Variants in SYN3 observed in about 807,000 individuals in gnomAD.
SYN3 encodes synapsin III.
In SYN3, 35 loss-of-function variants were observed where a neutral mutation model predicts 65.8. That is an observed-to-expected ratio of 0.53 (90% CI 0.41 to 0.70). The LOEUF (loss-of-function observed/expected upper bound fraction) is 0.70, where lower values mean the gene tolerates loss of function less well. SYN3 is among the 30% of genes least tolerant of loss of function. The pLI is 0.00. For missense variants in SYN3, 680 were observed against 749.0 expected (o/e 0.91, Z 1.08); for synonymous variants, 270 against 292.9 (o/e 0.92, Z 0.80).
At chr22:32,959,967 AT>A (rs2051596810) in intron 3 of SYN3, among the ~76,000 whole-genome samples, 1 of 152,196 alleles carries the variant, frequency 6.6e-6, no homozygotes, top group Non-Finnish European at 1.5e-5. Context: ...AGTAATTTTA[AT>A]TTTTTAATCT....
chr22:32,512,181 G>T lies in SYN3; in HGVS notation c.*1511C>A, dbSNP rs1000015737. ...TTTTATGCTCCTGGGAACCTGGATG[G>T]ATCTTGGCTGATTACCAAACAATCT... On this transcript the variant is annotated 3_prime_UTR_variant, in exon 14 of 14. Coordinates refer to ENST00000358763, the MANE Select transcript of SYN3 (RefSeq NM_003490.4). 6.6e-6 allele frequency among the ~76,000 whole-genome samples: 1 copy of T among 152,204 alleles called. No homozygotes were observed. The highest frequency in any genetic ancestry group is 1.5e-5 in the Non-Finnish European group (1 of 68,038).
intron 6 of SYN3, among the ~76,000 whole-genome samples, chr22:32,818,643 G>GT (rs1191952714): frequency 6.6e-6 from 1 of 152,224 alleles, no homozygotes; most frequent in African/African-American, 2.4e-5. Flanking sequence ...AGGGCTGGGT[G>GT]TTTGTCTCCC....
At chr22:32,667,962 T>G (rs1384442665) in intron 6 of SYN3, among the ~76,000 whole-genome samples, 1 of 151,910 alleles carries the variant, frequency 6.6e-6, no homozygotes, top group Non-Finnish European at 1.5e-5. Flanking sequence ...CCCAGCTAAT[T>G]TTTTTGTATT....
chr22:32,592,267 C>T (rs2059138186), intron 7 of SYN3, among the ~76,000 whole-genome samples: 1 of 152,228 alleles, frequency 6.6e-6, no homozygotes, highest in Admixed American at 6.5e-5. Context: ...TACCCCCTCA[C>T]TGTCCCCAGG....
chr22:32,655,251 G>A (rs910887617), intron 6 of SYN3, among the ~76,000 whole-genome samples: 16 of 152,268 alleles, frequency 1.1e-4, no homozygotes, highest in African/African-American at 2.4e-4. Context: ...GAGGCAGAGC[G>A]TCCTCACCAG....
At chr22:32,618,635 A>G (rs1378833379) in intron 6 of SYN3, among the ~76,000 whole-genome samples, 1 of 152,182 alleles carries the variant, frequency 6.6e-6, no homozygotes, top group African/African-American at 2.4e-5. Context: ...GAGGCTGCAT[A>G]ATAGAACAAG....
chr22:32,591,999 A>T (rs1292669935), intron 7 of SYN3, among the ~76,000 whole-genome samples: 1 of 152,216 alleles, frequency 6.6e-6, no homozygotes, highest in Non-Finnish European at 1.5e-5. Flanking sequence ...ATTCTACTTC[A>T]TAGTGGCCCC....
intron 6 of SYN3, among the ~76,000 whole-genome samples, chr22:32,704,134 G>A (rs1036391670): frequency 6.6e-6 from 1 of 152,078 alleles, no homozygotes; most frequent in Non-Finnish European, 1.5e-5. Flanking sequence ...TCGTGTCACA[G>A]GGGTTTATGT....
intron 6 of SYN3, among the ~76,000 whole-genome samples, chr22:32,628,756 A>T (rs2059705772): frequency 6.6e-6 from 1 of 152,142 alleles, no homozygotes; most frequent in South Asian, 2.1e-4. Flanking sequence ...CTAAAAAAAA[A>T]AAAAACCTCA....
chr22:32,647,875 G>A (rs1453298881), intron 6 of SYN3, among the ~76,000 whole-genome samples: 1 of 152,008 alleles, frequency 6.6e-6, no homozygotes, highest in African/African-American at 2.4e-5. Context: ...CCAAAGTGCT[G>A]GGATTACATA....
At chr22:32,930,212 G>C (rs1382645471) in intron 4 of SYN3, among the ~76,000 whole-genome samples, 1 of 152,160 alleles carries the variant, frequency 6.6e-6, no homozygotes, top group Non-Finnish European at 1.5e-5. Context: ...TCATGGGAGG[G>C]ACCTGGTGGG....
chr22:32,838,824 T>C (rs2047811707), intron 6 of SYN3, among the ~76,000 whole-genome samples: 1 of 151,844 alleles, frequency 6.6e-6, no homozygotes, highest in Non-Finnish European at 1.5e-5. Context: ...TTCAACATTT[T>C]TGGGAACCCT....
intron 6 of SYN3, among the ~76,000 whole-genome samples, chr22:32,770,887 A>AACACATATGTGTTCAG (rs1311408428): frequency 5.9e-5 from 9 of 151,998 alleles, no homozygotes; most frequent in African/African-American, 9.7e-5. Context: ...GTGTTCAGTT[A>AACACATATGTGTTCAG]TTATTATTAT....
At position 32,518,185 on chromosome 22, in the gene SYN3, C is replaced by T. The variant is rs751455464; in HGVS notation, c.1468G>A (p.Ala490Thr). Residue 490 changes from alanine (A) to threonine (T), a missense_variant, in exon 13 of 14, where the codon GCA becomes ACA. Coordinates refer to ENST00000358763, the MANE Select transcript of SYN3 (RefSeq NM_003490.4). Reference sequence around the variant, plus strand: ...TGGTTTGGGGAGCTGCCACTGGATGCCCGGGATAGCTGCGGAGAGCCTGGT... The same window carrying T: ...TGGTTTGGGGAGCTGCCACTGGATGTCCGGGATAGCTGCGGAGAGCCTGGT... ...RSPGSPQLSR[A>T]SSGSSPNQAS... 4.8e-5 allele frequency: 78 copies of T among 1,613,632 alleles called. No individual in the cohort carries two copies. Among genetic ancestry groups the T allele is most frequent in the Non-Finnish European group, 6.0e-5 (71 of 1,179,934 alleles).
At chr22:32,964,146 G>C (rs908839153) in intron 3 of SYN3, among the ~76,000 whole-genome samples, 3 of 152,004 alleles carry the variant, frequency 2.0e-5, no homozygotes, top group African/African-American at 7.2e-5. Flanking sequence ...AGAAAGGAAG[G>C]TTCCAGCAAC....
intron 1 of SYN3, among the ~76,000 whole-genome samples, chr22:33,041,325 T>C (rs1176468657): frequency 6.8e-6 from 1 of 147,520 alleles, no homozygotes; most frequent in Non-Finnish European, 1.5e-5. Context: ...GGAGTCTTGC[T>C]CTGTCGCCAG....
intron 6 of SYN3, among the ~76,000 whole-genome samples, chr22:32,601,333 A>T (rs937190796): frequency 4.7e-5 from 7 of 148,506 alleles, no homozygotes; most frequent in Non-Finnish European, 8.9e-5. Flanking sequence ...GCTGGAGTGC[A>T]GTGGTGCGAT....
At chr22:33,033,310 C>G (rs528446965) in intron 1 of SYN3, among the ~76,000 whole-genome samples, 4 of 152,166 alleles carry the variant, frequency 2.6e-5, no homozygotes, top group African/African-American at 9.6e-5. Flanking sequence ...CCAGAATAAA[C>G]TTCTTTAAAA....
intron 6 of SYN3, among the ~76,000 whole-genome samples, chr22:32,800,641 C>T (rs941363515): frequency 6.6e-6 from 1 of 152,206 alleles, no homozygotes; most frequent in African/African-American, 2.4e-5. Flanking sequence ...GATCCTGGAT[C>T]GTTCTCCTGG....
Sources: gnomAD v4.1 joint callset for allele counts (sites outside exome capture counted in the v4.1 genomes callset) on GRCh38, gnomAD v4.1.1 for gene constraint, MANE v1.5 for transcripts, NCBI Gene and HGNC (gene_info 2026-07-23, HGNC 2026-07-21) for gene names.